PAPPA2: variants seen among roughly 807,000 people sequenced by gnomAD.
PAPPA2 encodes the protein pappalysin 2.
PAPPA2 carries 86 observed loss-of-function variants against 176.4 expected under a neutral mutation model. That is an observed-to-expected ratio of 0.49 (90% CI 0.41 to 0.58). The LOEUF is 0.58. Ranked by LOEUF, PAPPA2 falls within the 20% of genes least tolerant of loss-of-function variation. The pLI is 0.00. For missense variants in PAPPA2, 2,073 were observed against 2,256.9 expected, an observed-to-expected ratio of 0.92 and a Z score of 1.65; for synonymous variants, 809 against 852.2, an observed-to-expected ratio of 0.95 and a Z score of 0.88.
intron 3 of PAPPA2, among the ~76,000 whole-genome samples, chr1:176,623,765 T>TTCTTTCTA (rs2102697393): frequency 9.4e-6 from 1 of 106,644 alleles, no homozygotes; most frequent in South Asian, 4.0e-4. Flanking sequence ...CTTCCTTTCT[T>TTCTTTCTA]TCTTTCTTTC....
chr1:176,803,296 C>A (rs1445315084), intron 21 of PAPPA2, among the ~76,000 whole-genome samples: 1 of 152,096 alleles, frequency 6.6e-6, no homozygotes, highest in Admixed American at 6.6e-5. Context: ...GAGTGTCATG[C>A]CTGGCCCGTA....
intron 3 of PAPPA2, among the ~76,000 whole-genome samples, chr1:176,656,874 A>G (rs1658067017): frequency 6.6e-6 from 1 of 151,760 alleles, no homozygotes; most frequent in African/African-American, 2.4e-5. Context: ...TTTTTGAAAT[A>G]GAGAAAGTAA....
At chr1:176,627,426 A>T (rs1003651812) in intron 3 of PAPPA2, among the ~76,000 whole-genome samples, 4 of 152,184 alleles carry the variant, frequency 2.6e-5, no homozygotes, top group East Asian at 3.8e-4. Flanking sequence ...GCTCGAGAGA[A>T]GTTCAATAAA....
At chr1:176,588,357 C>T (rs1653450754) in intron 2 of PAPPA2, among the ~76,000 whole-genome samples, 1 of 152,198 alleles carries the variant, frequency 6.6e-6, no homozygotes, top group Admixed American at 6.5e-5. Flanking sequence ...CATCTGCAAA[C>T]AAAGACAACT....
Position 176,556,723 on chromosome 1 carries a change from C to T in PAPPA2, c.401C>T (p.Pro134Leu). 5 of 1,614,056 alleles carry T rather than the reference C, an allele frequency of 3.1e-6. No homozygotes were observed. The highest frequency in any genetic ancestry group is 4.2e-6 in the Non-Finnish European group (5 of 1,179,956). Residue 134 changes from proline to leucine, a missense_variant, in exon 2 of 23, where the codon CCT becomes CTT. By Grantham distance (98) the Pro-to-Leu change is moderately conservative (BLOSUM62 -3). Around this residue, in one of 4 missense-constraint regions of PAPPA2, gnomAD observed 1,196 missense variants for 1,330.4 expected, o/e 0.90. Coordinates refer to ENST00000367662, the MANE Select transcript of PAPPA2 (RefSeq NM_020318.3). ...GCTGCCCCATGGGTAGGGGATAGTC[C>T]TATTGGGCAATCTGAGCTGCTGGGA... Reference protein sequence around the residue: ...EPAAPWVGDSPIGQSELLGDD... With the variant: ...EPAAPWVGDSLIGQSELLGDD...
At chr1:176,702,033 T>C (rs1397219921) in intron 8 of PAPPA2, among the ~76,000 whole-genome samples, 1 of 152,200 alleles carries the variant, frequency 6.6e-6, no homozygotes, top group South Asian at 2.1e-4. Flanking sequence ...TGGGGAGTTG[T>C]TTAATGCATT....
chr1:176,659,634 A>T (rs1658246081), intron 3 of PAPPA2, among the ~76,000 whole-genome samples: 2 of 152,144 alleles, frequency 1.3e-5, no homozygotes, highest in Non-Finnish European at 2.9e-5. Flanking sequence ...AAGAACATTT[A>T]AAAAAGGATA....
intron 10 of PAPPA2, among the ~76,000 whole-genome samples, chr1:176,709,343 T>A (rs976203517): frequency 6.6e-6 from 1 of 151,998 alleles, no homozygotes; most frequent in Non-Finnish European, 1.5e-5. Flanking sequence ...ATAAAATCAC[T>A]GAGACTCAGG....
At chr1:176,614,831 C>G (rs949947993) in intron 3 of PAPPA2, among the ~76,000 whole-genome samples, 1 of 152,090 alleles carries the variant, frequency 6.6e-6, no homozygotes, top group African/African-American at 2.4e-5. Flanking sequence ...ACCATTTTAT[C>G]AATTACATAG....
chr1:176,601,256 C>T (rs6689516), intron 3 of PAPPA2, among the ~76,000 whole-genome samples: 2 of 152,134 alleles, frequency 1.3e-5, no homozygotes, highest in African/African-American at 2.4e-5. Flanking sequence ...GCAGGCCTCT[C>T]GAGCTTGGAC....
chr1:176,558,040 G>GAAA (rs1651431623), intron 2 of PAPPA2, among the ~76,000 whole-genome samples: 1 of 152,192 alleles, frequency 6.6e-6, no homozygotes, highest in African/African-American at 2.4e-5. Context: ...GAAGGGCAAA[G>GAAA]AAAAATGAGG....
intron 3 of PAPPA2, among the ~76,000 whole-genome samples, chr1:176,623,754 CCTTCCTTTCTTT>C (rs1397305000): frequency 7.3e-5 from 3 of 40,976 alleles, no homozygotes; most frequent in African/African-American, 1.2e-4. Context: ...CTCTTTCCTT[CCTTCCTTTCTTT>C]CTTTCTTTCT....
chr1:176,643,037 C>T (rs1216351956), intron 3 of PAPPA2, among the ~76,000 whole-genome samples: 1 of 151,792 alleles, frequency 6.6e-6, no homozygotes, highest in Non-Finnish European at 1.5e-5. Flanking sequence ...TATAAGACCT[C>T]ACTGAATCCA....
intron 9 of PAPPA2, among the ~76,000 whole-genome samples, chr1:176,705,452 G>A (rs1051651487): frequency 2.0e-5 from 3 of 152,078 alleles, no homozygotes; most frequent in African/African-American, 7.2e-5. Context: ...TTCTGGGTCT[G>A]AAAACACTTT....
At chr1:176,607,656 T>C (rs887706300) in intron 3 of PAPPA2, among the ~76,000 whole-genome samples, 3 of 152,232 alleles carry the variant, frequency 2.0e-5, no homozygotes, top group Non-Finnish European at 4.4e-5. Context: ...ATATGACTAC[T>C]TGTACCTCTG....
At chr1:176,819,656 A>G (rs530118130) in intron 21 of PAPPA2, among the ~76,000 whole-genome samples, 2 of 152,312 alleles carry the variant, frequency 1.3e-5, no homozygotes, top group East Asian at 3.9e-4. Flanking sequence ...CCCGTGTGAG[A>G]AGTCTTCTGA....
chr1:176,640,091 G>T lies in PAPPA2; in HGVS notation c.1992-30879G>T, dbSNP rs1011074178. Among the ~76,000 whole-genome samples, 5 of 151,438 alleles carry T rather than the reference G, an allele frequency of 3.3e-5. No individual in the cohort carries two copies. The South Asian group carries it at 1.0e-3, about 31-fold the overall frequency. ...CAGAGCTACAATTTTTGTCACTACA[G>T]TTCCTATGCCATCCCCCAGGAATTT... is the stretch of plus-strand genomic sequence containing the variant. On this transcript the variant is annotated intron_variant, in intron 3 of 22. Transcript: ENST00000367662.
At chr1:176,753,208 GC>G (rs985065031) in intron 14 of PAPPA2, among the ~76,000 whole-genome samples, 1 of 152,176 alleles carries the variant, frequency 6.6e-6, no homozygotes, top group Non-Finnish European at 1.5e-5. Flanking sequence ...GGACATCTGA[GC>G]CCCAGTCAAG....
chr1:176,816,482 C>T (rs1302132772), intron 21 of PAPPA2, among the ~76,000 whole-genome samples: 1 of 151,306 alleles, frequency 6.6e-6, no homozygotes, highest in Non-Finnish European at 1.5e-5. Context: ...TCTAGGTATT[C>T]TAGGCATTTA....
Sources: allele counts gnomAD v4.1 joint callset (sites outside exome capture counted in the v4.1 genomes callset), GRCh38; gene constraint gnomAD v4.1.1; regional missense constraint gnomAD v4.1.1; transcripts MANE v1.5; gene names NCBI Gene and HGNC (gene_info 2026-07-23, HGNC 2026-07-21).